PTCHD1: variants seen among roughly 807,000 people sequenced by gnomAD.
The protein encoded by PTCHD1 is patched domain containing 1, also known as patched domain-containing protein 1.
In PTCHD1, 3 loss-of-function variants were observed where a neutral mutation model predicts 34.6. That is an observed-to-expected ratio of 0.09 (90% CI 0.04 to 0.22). The LOEUF (loss-of-function observed/expected upper bound fraction) is 0.22, where lower values mean the gene tolerates loss of function less well. Ranked by LOEUF, PTCHD1 falls within the 10% of genes least tolerant of loss-of-function variation. The pLI, the probability that PTCHD1 is intolerant of heterozygous loss-of-function variation, is 1.00. For synonymous variants in PTCHD1, 305 were observed against 283.1 expected (o/e 1.08, Z -0.77); for missense variants, 504 against 685.5 (o/e 0.74, Z 2.96).
intron 1 of PTCHD1, among the ~76,000 whole-genome samples, chrX:23,361,926 G>T (rs12862933): frequency 4.7e-3 from 526 of 112,108 alleles, no homozygotes; most frequent in Non-Finnish European, 8.1e-3. Context: ...TTTGGCTGGA[G>T]ATGAAATTCT....
chrX:23,381,641 G>A (rs1454899355), intron 2 of PTCHD1, among the ~76,000 whole-genome samples: 7 of 111,901 alleles, frequency 6.3e-5, no homozygotes, highest in East Asian at 2.8e-4. Flanking sequence ...TCTGTGGCCC[G>A]AGGAATTGAA....
chrX:23,367,719 A>T (rs1237300456), intron 1 of PTCHD1, among the ~76,000 whole-genome samples: 1 of 111,444 alleles, frequency 9.0e-6, no homozygotes, highest in Non-Finnish European at 1.9e-5. Context: ...AGACAAGAGG[A>T]GTTTTTCCAA....
intron 1 of PTCHD1, among the ~76,000 whole-genome samples, chrX:23,366,432 G>A (rs768809829): frequency 3.6e-5 from 4 of 111,865 alleles, no homozygotes; most frequent in Non-Finnish European, 5.6e-5. Context: ...TTTCCTCTCC[G>A]TTTTCCTACC....
At chrX:23,342,308 ATATTTTTTTTT>A (rs1921356586) in intron 1 of PTCHD1, among the ~76,000 whole-genome samples, 2 of 9,696 alleles carry the variant, frequency 2.1e-4, no homozygotes, top group Non-Finnish European at 2.8e-4. Flanking sequence ...ATATATATAT[ATATTTTTTTTT>A]TTTTTTTTTT....
intron 1 of PTCHD1, among the ~76,000 whole-genome samples, chrX:23,361,884 G>A (rs1921995509): frequency 8.9e-6 from 1 of 111,812 alleles, no homozygotes; most frequent in South Asian, 3.8e-4. Flanking sequence ...GTCTGTAAAG[G>A]ATTTTATTTC....
intron 1 of PTCHD1, among the ~76,000 whole-genome samples, chrX:23,371,387 C>A (rs1450284136): frequency 1.8e-5 from 2 of 111,490 alleles, no homozygotes; most frequent in Admixed American, 1.9e-4. Context: ...ATTGTCAAGC[C>A]AGCTACTCTG....
At chrX:23,344,896 G>T (rs928834396) in intron 1 of PTCHD1, among the ~76,000 whole-genome samples, 2 of 111,917 alleles carry the variant, frequency 1.8e-5, no homozygotes, top group African/African-American at 6.5e-5. Context: ...AGGTGAGAAC[G>T]TTGATCATTC....
At chrX:23,371,628 A>C (rs764096086) in intron 1 of PTCHD1, among the ~76,000 whole-genome samples, 7 of 111,020 alleles carry the variant, frequency 6.3e-5, no homozygotes, top group African/African-American at 2.3e-4. Flanking sequence ...GGATGAGGGG[A>C]TATGCGCAGG....
intron 2 of PTCHD1, among the ~76,000 whole-genome samples, chrX:23,389,025 C>A (rs1216842693): frequency 2.7e-5 from 3 of 111,733 alleles, no homozygotes; most frequent in African/African-American, 9.8e-5. Context: ...AGAAATTCGT[C>A]TCTGTGAAAT....
At position 23,394,254 on chromosome X, in the gene PTCHD1, T is replaced by C; in HGVS notation, c.*69T>C. ...CAAAGAGATTATGTTAATGAAACAA[T>C]TAAATTCAAAGTTCTTCCCTTTTTT... On this transcript the variant is annotated 3_prime_UTR_variant, in exon 3 of 3. Transcript: ENST00000379361. 1 of 724,970 alleles carries C rather than the reference T, an allele frequency of 1.4e-6. No homozygotes were observed. The highest frequency in any genetic ancestry group is 2.0e-6 in the Non-Finnish European group (1 of 494,035). 59.7% of individuals were successfully genotyped at this position (724,970 alleles called of 1,213,427 possible).
At chrX:23,355,687 T>C (rs1329389609) in intron 1 of PTCHD1, among the ~76,000 whole-genome samples, 2 of 112,570 alleles carry the variant, frequency 1.8e-5, no homozygotes, top group Non-Finnish European at 3.7e-5. Context: ...GTTCATCCAT[T>C]GCTTAAGTGA....
At chrX:23,338,538 T>C (rs1048684619) in intron 1 of PTCHD1, among the ~76,000 whole-genome samples, 1 of 112,321 alleles carries the variant, frequency 8.9e-6, no homozygotes, top group East Asian at 2.8e-4. Flanking sequence ...AATGACATCA[T>C]CTTTATAGGA....
intron 1 of PTCHD1, among the ~76,000 whole-genome samples, chrX:23,361,039 T>C (rs748160486): frequency 8.9e-6 from 1 of 112,297 alleles, no homozygotes; most frequent in Non-Finnish European, 1.9e-5. Context: ...TCTGTTCTTT[T>C]ACATTTGCTG....
chrX:23,359,287 A>C (rs1349987439), intron 1 of PTCHD1, among the ~76,000 whole-genome samples: 1 of 112,188 alleles, frequency 8.9e-6, no homozygotes, highest in East Asian at 2.8e-4. Context: ...TGAGGATGAA[A>C]TGTTCTTCCA....
chrX:23,334,768 C>T (rs1426115320), upstream of PTCHD1: 1 of 199,505 alleles, frequency 5.0e-6, no homozygotes, highest in Non-Finnish European at 7.2e-6. Context: ...GCCGCCGTCG[C>T]CGCCGCCGCG....
intron 1 of PTCHD1, among the ~76,000 whole-genome samples, chrX:23,340,331 T>G (rs1921271274): frequency 8.9e-6 from 1 of 112,068 alleles, no homozygotes; most frequent in East Asian, 2.8e-4. Context: ...GCAGTTATCT[T>G]GCTCTCTTCG....
intron 1 of PTCHD1, among the ~76,000 whole-genome samples, chrX:23,336,097 C>G (rs1921163573): frequency 9.1e-6 from 1 of 110,280 alleles, no homozygotes; most frequent in Admixed American, 9.6e-5. Context: ...GTGACACTCG[C>G]AGAAACCGGT....
chrX:23,338,321 A>T (rs980921305), intron 1 of PTCHD1, among the ~76,000 whole-genome samples: 1 of 112,482 alleles, frequency 8.9e-6, no homozygotes, highest in Admixed American at 9.4e-5. Flanking sequence ...TATATCTTTT[A>T]ACAGAAGATC....
rs758257215 is a variant in PTCHD1 at position 23,398,300 on chromosome X, C to CTTGTA, written c.*4116_*4117insTGTAT. 6.3e-5 allele frequency: 7 copies of CTTGTA among 111,768 alleles called. No homozygotes were observed. Among genetic ancestry groups the CTTGTA allele is most frequent in the African/African-American group, 2.0e-4 (6 of 30,764 alleles). 9.2% of individuals were successfully genotyped at this position (111,768 alleles called of 1,213,427 possible). A position where few individuals can be genotyped will look rare whatever the true frequency, so the allele number is the denominator to read the frequency against. On this transcript the variant is annotated 3_prime_UTR_variant, in exon 3 of 3. Coordinates refer to ENST00000379361, the MANE Select transcript of PTCHD1 (RefSeq NM_173495.3). ...GTAGATTTGAGCCTGAGAATTAGGG[C>CTTGTA]TACAAATACAATGAGTTGCCACAGA... is the stretch of plus-strand genomic sequence containing the variant.
Sources: gnomAD v4.1 joint callset for allele counts (sites outside exome capture counted in the v4.1 genomes callset) on GRCh38, gnomAD v4.1.1 for gene constraint, MANE v1.5 for transcripts, NCBI Gene and HGNC (gene_info 2026-07-23, HGNC 2026-07-21) for gene names.